Variants in ARID4A observed in about 807,000 individuals in gnomAD.
The protein encoded by ARID4A is AT-rich interaction domain 4A.
A neutral mutation model predicts 148.6 loss-of-function variants in ARID4A; 39 were observed. The observed-to-expected ratio is 0.26, with a 90% CI of 0.20 to 0.34. The LOEUF is 0.34. Ranked by LOEUF, ARID4A falls within the 10% of genes least tolerant of loss-of-function variation. The pLI is 1.00. For missense variants in ARID4A, 1,265 were observed against 1,449.1 expected, an observed-to-expected ratio of 0.87 and a Z score of 2.06; for synonymous variants, 475 against 481.2, an observed-to-expected ratio of 0.99 and a Z score of 0.17.
intron 19 of ARID4A, among the ~76,000 whole-genome samples, chr14:58,362,047 G>A (rs2035155577): frequency 6.6e-6 from 1 of 151,996 alleles, no homozygotes; most frequent in East Asian, 1.9e-4. Flanking sequence ...TATTTTAATA[G>A]AAGGTGAATT....
At chr14:58,308,431 AC>A (rs1158561778) in intron 5 of ARID4A, among the ~76,000 whole-genome samples, 1 of 152,256 alleles carries the variant, frequency 6.6e-6, no homozygotes, top group Non-Finnish European at 1.5e-5. Flanking sequence ...ACTTATAAAA[AC>A]AGGGAAAAAC....
Position 58,344,755 on chromosome 14 carries a change from A to G in ARID4A, c.967A>G (p.Met323Val). 6.2e-7 allele frequency: 1 copy of G among 1,611,984 alleles called. No homozygotes were observed. Residue 323 changes from methionine to valine, a missense_variant, in exon 12 of 24, where the codon ATG (methionine) becomes GTG (valine). Met to Val is a conservative substitution (Grantham distance 21, BLOSUM62 1). Transcript: ENST00000355431. ...CTTCCTCCAGCAGCTTTATAAGTTT[A>G]TGGAAGACAGAGGTATTTTCATGCT... ...DNFLQQLYKF[M>V]EDRGTPINKP... is the part of the protein sequence containing the mutation.
intron 15 of ARID4A, among the ~76,000 whole-genome samples, chr14:58,350,642 A>G (rs1224080167): frequency 6.6e-6 from 1 of 152,246 alleles, no homozygotes; most frequent in East Asian, 1.9e-4. Context: ...TAGAGACCAC[A>G]GAGCCTTTAA....
At chr14:58,302,741 C>T (rs1301651347) in intron 3 of ARID4A, among the ~76,000 whole-genome samples, 1 of 151,860 alleles carries the variant, frequency 6.6e-6, no homozygotes, top group Non-Finnish European at 1.5e-5. Flanking sequence ...ATTGCTTGAG[C>T]CAAGGAATTC....
intron 2 of ARID4A, among the ~76,000 whole-genome samples, chr14:58,300,614 C>T (rs1014518945): frequency 6.6e-6 from 1 of 152,112 alleles, no homozygotes; most frequent in Admixed American, 6.5e-5. Flanking sequence ...ATAGCATTTT[C>T]CCAAACTTTC....
At chr14:58,371,419 G>C (rs2035609004) in intron 23 of ARID4A, among the ~76,000 whole-genome samples, 5 of 152,030 alleles carry the variant, frequency 3.3e-5, no homozygotes, top group Admixed American at 2.0e-4. Flanking sequence ...ACCATTTGAG[G>C]ACTTTTTGCT....
intron 13 of ARID4A, 45 bp from the exon 14 acceptor site, chr14:58,346,975 A>AAAAAAATT: frequency 3.4e-6 from 1 of 296,156 alleles, no homozygotes; most frequent in Admixed American, 4.7e-5. Flanking sequence ...AAAAAAAAAG[A>AAAAAAATT]TTAATTCCCT....
At chr14:58,312,076 T>C (rs913975936) in intron 5 of ARID4A, among the ~76,000 whole-genome samples, 3 of 151,936 alleles carry the variant, frequency 2.0e-5, no homozygotes. Context: ...GCTAAGAGAG[T>C]AGATTTTGAG....
chr14:58,304,947 C>T lies in ARID4A; in HGVS notation c.121C>T (p.Leu41Phe), dbSNP rs913127587. ...TVKRLVKVKV[L>F]LKQDNTTQLV... ...TATTGTGCAAAATGTTTTTCAGGTACTCCTGAAACAGGATAATACCACACA... is the reference window on the plus strand; with the variant it reads ...TATTGTGCAAAATGTTTTTCAGGTATTCCTGAAACAGGATAATACCACACA... The change falls in exon 4 of 24, where the codon CTC (leucine) becomes TTC (phenylalanine). Residue 41 changes from leucine to phenylalanine, a missense_variant. Transcript: ENST00000355431. 9.3e-6 allele frequency: 15 copies of T among 1,606,358 alleles called. No individual in the cohort carries two copies. The highest frequency in any genetic ancestry group is 1.3e-5 in the Non-Finnish European group (15 of 1,177,162).
chr14:58,302,217 G>A (rs558980814), intron 3 of ARID4A, among the ~76,000 whole-genome samples: 22 of 152,118 alleles, frequency 1.4e-4, no homozygotes, highest in Non-Finnish European at 2.4e-4. Flanking sequence ...AATTAGACCC[G>A]GCGCGGTGAC....
chr14:58,308,031 T>A (rs1262375063), intron 5 of ARID4A, among the ~76,000 whole-genome samples: 1 of 152,180 alleles, frequency 6.6e-6, no homozygotes, highest in Non-Finnish European at 1.5e-5. Context: ...AAAATGCGCA[T>A]GCTCTATAGA....
rs377433145 is a variant in ARID4A at position 58,334,247 on chromosome 14, A to G, written c.906+4078A>G. On this transcript the variant is annotated intron_variant, in intron 11 of 23. Transcript: ENST00000355431. ...ATGATATAGTTGACTTGTACTAAAA[A>G]TCTTGGATTTGATAGCATTTAAATG... 3.3e-5 allele frequency among the ~76,000 whole-genome samples: 5 copies of G among 152,304 alleles called. 1 individual carries two copies. Among genetic ancestry groups the G allele is most frequent in the Non-Finnish European group, 1.5e-5 (1 of 68,008 alleles).
intron 23 of ARID4A, 94 bp from the exon 24 acceptor site, chr14:58,371,792 G>A (rs766356019): frequency 1.0e-6 from 1 of 962,678 alleles, no homozygotes; most frequent in Non-Finnish European, 1.6e-6. Context: ...TGATTAAGGT[G>A]AATAATGTTA....
At chr14:58,339,597 G>T (rs1342441283) in intron 11 of ARID4A, among the ~76,000 whole-genome samples, 1 of 152,010 alleles carries the variant, frequency 6.6e-6, no homozygotes, top group Non-Finnish European at 1.5e-5. Context: ...AACTAGAGTT[G>T]CTAGCTAAGA....
chr14:58,366,944 A>T lies in ARID4A; in HGVS notation c.3585A>T (p.Glu1195Asp). The T allele has an allele frequency of 6.6e-7, 1 of 1,521,490 alleles. No homozygotes were observed. The highest frequency in any genetic ancestry group is 2.6e-5 in the East Asian group (1 of 39,068). The allele number at this position is 1,521,490 out of a possible 1,614,324, so 94.2% of individuals were successfully genotyped here. A position where few individuals can be genotyped will look rare whatever the true frequency, so the allele number is the denominator to read the frequency against. The change falls in exon 23 of 24, where the codon GAA becomes GAT. Residue 1195 changes from glutamate (E) to aspartate (D), a missense_variant. Glu to Asp is a conservative substitution (Grantham distance 45). Around this residue, in one of 9 missense-constraint regions of ARID4A, gnomAD observed 666 missense variants for 730.9 expected, o/e 0.91. Transcript: ENST00000355431. ...CATTTCTCCAAGAAAAACTACAGGA[A>T]ATCAGAAAATATTATATGTCTTTGA... ...RISFLQEKLQ[E>D]IRKYYMSLKS...
rs1286101399 is a variant in ARID4A, at chr14:58,365,296, G to C, written c.3207G>C (p.Glu1069Asp). 1.2e-6 allele frequency: 2 copies of C among 1,608,132 alleles called. No homozygotes were observed. Among genetic ancestry groups the C allele is most frequent in the Middle Eastern group, 1.7e-4 (1 of 6,028 alleles). Residue 1069 changes from glutamate to aspartate, a missense_variant, in exon 20 of 24, where the codon GAG becomes GAC. Coordinates refer to ENST00000355431, the MANE Select transcript of ARID4A (RefSeq NM_002892.4). ...TTGTACAAGAGAGAGAGAGCAGAGA[G>C]AAGGGTAAGGACTTTCTAGGGAAAA... ...SIIVQERESR[E>D]KGQKRPSDGN...
chr14:58,371,347 C>G (rs2035605319), intron 23 of ARID4A, among the ~76,000 whole-genome samples: 1 of 152,066 alleles, frequency 6.6e-6, no homozygotes, highest in African/African-American at 2.4e-5. Context: ...GGCAAAACAC[C>G]TAATGCTCAG....
intron 11 of ARID4A, among the ~76,000 whole-genome samples, chr14:58,338,852 A>T (rs1015427287): frequency 6.6e-6 from 1 of 151,786 alleles, no homozygotes; most frequent in Admixed American, 6.6e-5. Flanking sequence ...ACATTATTGC[A>T]CAAAAAAAAG....
intron 9 of ARID4A, among the ~76,000 whole-genome samples, chr14:58,328,936 T>C (rs955353784): frequency 6.6e-6 from 1 of 150,932 alleles, no homozygotes; most frequent in Non-Finnish European, 1.5e-5. Context: ...GAGGCTGCAG[T>C]GAGCCGAGAT....
Sources: allele counts gnomAD v4.1 joint callset (sites outside exome capture counted in the v4.1 genomes callset), GRCh38; gene constraint gnomAD v4.1.1; regional missense constraint gnomAD v4.1.1; transcripts MANE v1.5; gene names NCBI Gene and HGNC (gene_info 2026-07-23, HGNC 2026-07-21).